Variants in ATP2C2 observed in about 807,000 individuals in gnomAD.
ATP2C2 encodes the protein ATPase secretory pathway Ca2+ transporting 2, also known as calcium-transporting ATPase type 2C member 2.
In ATP2C2, 171 loss-of-function variants were observed where a neutral mutation model predicts 110.8. The ratio of observed to expected loss-of-function variants is 1.54; its 90% confidence interval spans 1.36 to 1.75. ATP2C2 has a LOEUF of 1.75. Among genes scored for constraint, ATP2C2 ranks in the 40% most tolerant of loss-of-function variants. ATP2C2 has a pLI of 0.00. For synonymous variants in ATP2C2, 804 were observed against 508.4 expected (o/e 1.58, Z -7.82); for missense variants, 1,963 against 1,235.0 (o/e 1.59, Z -8.84).
At chr16:84,459,906 A>C (rs1332542679) in intron 23 of ATP2C2, 2 of 314,410 alleles carry the variant, frequency 6.4e-6, no homozygotes, top group Admixed American at 4.2e-5. Flanking sequence ...TCAGGAGTCC[A>C]CCCGCTCCGC....
rs753992042 is a variant in ATP2C2, at chr16:84,383,786, G to GT, written c.100-14713_100-14712insT. Among the ~76,000 whole-genome samples the GT allele has an allele frequency of 9.6e-3, 823 of 85,636 alleles. 2 individuals carry two copies. Among genetic ancestry groups the GT allele is most frequent in the Non-Finnish European group, 0.017 (647 of 37,888 alleles). The allele number at this position is 85,636 out of a possible 152,430, so 56.2% of individuals were successfully genotyped here. A position where few individuals can be genotyped will look rare whatever the true frequency, so the allele number is the denominator to read the frequency against. On this transcript the variant is annotated intron_variant, in intron 1 of 26. Transcript: ENST00000262429. The stretch of plus-strand genomic sequence containing the variant: ...TGGGGGTGGGGGTGTTGGTTTTGTT[G>GT]GTTTTTTTTTTTTTTTTTTTTTGAG...
Position 84,375,522 on chromosome 16 carries a change from C to T in ATP2C2, c.99+6808C>T, listed in dbSNP as rs1362895811. Among the ~76,000 whole-genome samples the T allele has an allele frequency of 7.5e-5, 10 of 132,728 alleles. No individual in the cohort carries two copies. The South Asian group carries it at 1.2e-3, about 16-fold the overall frequency. 87.1% of individuals were successfully genotyped at this position (132,728 alleles called of 152,430 possible). On this transcript the variant is annotated intron_variant, in intron 1 of 26. Transcript: ENST00000262429. ...TGTCCCTGCACTTCAGCCTGGGTGA[C>T]AGAGCAAGACTCTGTCTCAAAAAAA... is the stretch of plus-strand genomic sequence containing the variant.
rs1905647108 is a variant in ATP2C2, at chr16:84,405,152, G to T, written c.235G>T (p.Glu79Ter). 6.2e-7 allele frequency: 1 copy of T among 1,613,982 alleles called. No individual in the cohort carries two copies. Among genetic ancestry groups the T allele is most frequent in the African/African-American group, 1.3e-5 (1 of 74,890 alleles). The change falls in exon 3 of 27, where the codon GAG (glutamate) becomes TAG (stop). Residue 79 changes from glutamate (E) to a stop codon, truncating the protein, a stop_gained. Transcript: ENST00000262429. LOFTEE classifies it high-confidence loss of function. ...GGTGGACTTACACACTGGGCTGTCG[G>T]AGTTCTCGGTGACGCAGCGCCGGCT... ...FCVDLHTGLS[E>*]FSVTQRRLAH...
At chr16:84,413,059 T>C (rs35833410) in intron 6 of ATP2C2, among the ~76,000 whole-genome samples, 10,201 of 150,670 alleles carry the variant, frequency 0.068, 460 homozygotes, top group East Asian at 0.17. Flanking sequence ...GAGTGCTCCA[T>C]TGTACTCCAG....
chr16:84,419,402 G>A (rs28533008), intron 7 of ATP2C2, among the ~76,000 whole-genome samples: 2 of 151,480 alleles, frequency 1.3e-5, no homozygotes, highest in Non-Finnish European at 2.9e-5. Context: ...CCAACCCTCC[G>A]TCCTCCCCTC....
At chr16:84,394,884 C>G (rs1265538751) in intron 1 of ATP2C2, among the ~76,000 whole-genome samples, 2 of 152,062 alleles carry the variant, frequency 1.3e-5, no homozygotes, top group Admixed American at 1.3e-4. Flanking sequence ...GTAAAGATGC[C>G]CTCCAGATAA....
chr16:84,421,039 C>G (rs1018165441), intron 7 of ATP2C2, among the ~76,000 whole-genome samples: 2 of 152,194 alleles, frequency 1.3e-5, no homozygotes, highest in Non-Finnish European at 2.9e-5. Context: ...CTCCTGACTT[C>G]AAGTGATCTG....
Position 84,408,420 on chromosome 16 carries a change from A to C in ATP2C2, c.343A>C (p.Ile115Leu), listed in dbSNP as rs1304007244. ...TCCTCTTCAGTTTAAGAACCCCCTG[A>C]TCCTGCTGCTGCTGGGCTCTGCCCT... ...KYLDQFKNPL[I>L]LLLLGSALVS... Residue 115 changes from isoleucine (I) to leucine (L), a missense_variant, in exon 4 of 27, where the codon ATC (isoleucine) becomes CTC (leucine). By Grantham distance (5) the Ile-to-Leu change is conservative. Transcript: ENST00000262429. 1.2e-6 allele frequency: 2 copies of C among 1,613,798 alleles called. No homozygotes were observed. Among genetic ancestry groups the C allele is most frequent in the Admixed American group, 1.7e-5 (1 of 59,986 alleles).
At position 84,462,149 on chromosome 16, in the gene ATP2C2, A is replaced by G. The variant is rs1404911012; in HGVS notation, c.2722+20A>G. The G allele has an allele frequency of 6.2e-7, 1 of 1,605,556 alleles. No homozygotes were observed. Among genetic ancestry groups the G allele is most frequent in the Non-Finnish European group, 8.5e-7 (1 of 1,174,322 alleles). ...CGCTTGGTGAGTGGTGGGGACGGGA[A>G]CGACAGGTGACCTCGACCAGGGCCA... On this transcript the variant is annotated intron_variant, in intron 26 of 26. Coordinates refer to ENST00000262429, the MANE Select transcript of ATP2C2 (RefSeq NM_014861.4).
At chr16:84,399,696 C>T (rs1051932109) in intron 2 of ATP2C2, among the ~76,000 whole-genome samples, 20 of 152,220 alleles carry the variant, frequency 1.3e-4, no homozygotes, top group African/African-American at 4.8e-4. Flanking sequence ...TACAGGCATA[C>T]GCTATAATAA....
intron 15 of ATP2C2, among the ~76,000 whole-genome samples, chr16:84,444,351 T>C (rs2150572864): frequency 6.6e-6 from 1 of 152,112 alleles, no homozygotes; most frequent in South Asian, 2.1e-4. Context: ...TGCACACCTG[T>C]AATCCCAGCT....
intron 16 of ATP2C2, among the ~76,000 whole-genome samples, chr16:84,448,195 C>T (rs60422164): frequency 0.025 from 3,877 of 152,236 alleles, 182 homozygotes; most frequent in African/African-American, 0.089. Context: ...CAGTTAATCA[C>T]ACCCCCAAAG....
intron 11 of ATP2C2, among the ~76,000 whole-genome samples, chr16:84,429,046 CA>C (rs1167249963): frequency 3.3e-5 from 5 of 152,214 alleles, no homozygotes; most frequent in Non-Finnish European, 4.4e-5. Context: ...TAATGAAACC[CA>C]AGGGGGTCTA....
At position 84,423,268 on chromosome 16, in the gene ATP2C2, G is replaced by A. The variant is rs1198244672; in HGVS notation, c.919+5G>A. ...TCTTCTCCTTTGGCATAATCGGTGA[G>A]TGAAGCAGTTTCCATACTGGGTTTG... On this transcript the variant is annotated splice_donor_5th_base_variant and intron_variant, in intron 10 of 26. Transcript: ENST00000262429. The A allele has an allele frequency of 1.2e-6, 2 of 1,613,174 alleles. No individual in the cohort carries two copies. Among genetic ancestry groups the A allele is most frequent in the Non-Finnish European group, 1.7e-6 (2 of 1,179,096 alleles).
intron 4 of ATP2C2, among the ~76,000 whole-genome samples, chr16:84,409,950 C>T (rs1039734911): frequency 1.3e-5 from 2 of 152,114 alleles, no homozygotes; most frequent in African/African-American, 4.8e-5. Flanking sequence ...TGGCTCATGC[C>T]TGTAATCCCA....
At chr16:84,447,004 A>T (rs997166938) in intron 16 of ATP2C2, among the ~76,000 whole-genome samples, 31 of 152,244 alleles carry the variant, frequency 2.0e-4, no homozygotes, top group African/African-American at 7.2e-4. Context: ...AGAGGAACAC[A>T]TACCAAGCTA....
At chr16:84,436,952 G>A (rs1908799149) in intron 11 of ATP2C2, among the ~76,000 whole-genome samples, 1 of 151,880 alleles carries the variant, frequency 6.6e-6, no homozygotes, top group African/African-American at 2.4e-5. Context: ...AGGAGAGACG[G>A]GGTTTCTCCA....
At chr16:84,369,544 G>T (rs573721353) in intron 1 of ATP2C2, among the ~76,000 whole-genome samples, 1 of 151,328 alleles carries the variant, frequency 6.6e-6, no homozygotes, top group Non-Finnish European at 1.5e-5. Flanking sequence ...TCGTTCAAAA[G>T]TAACATTTCT....
intron 11 of ATP2C2, among the ~76,000 whole-genome samples, chr16:84,435,286 C>G (rs928998549): frequency 6.6e-6 from 1 of 152,160 alleles, no homozygotes; most frequent in Non-Finnish European, 1.5e-5. Flanking sequence ...AGTGTTTATT[C>G]TTTTCTGAGC....
Sources: allele counts gnomAD v4.1 joint callset (sites outside exome capture counted in the v4.1 genomes callset), GRCh38; gene constraint gnomAD v4.1.1; transcripts MANE v1.5; gene names NCBI Gene and HGNC (gene_info 2026-07-23, HGNC 2026-07-21).